Variants in BNIP3L observed in about 807,000 individuals in gnomAD.
BNIP3L encodes the protein BCL2/adenovirus E1B 19 kDa protein-interacting protein 3-like.
In BNIP3L, 10 loss-of-function variants were observed where a neutral mutation model predicts 25.5. That is an observed-to-expected ratio of 0.39 (90% CI 0.24 to 0.67). BNIP3L has a LOEUF of 0.67. Ranked by LOEUF, BNIP3L falls within the 30% of genes least tolerant of loss-of-function variation. The pLI is 0.45. For synonymous variants in BNIP3L, 113 were observed against 101.2 expected, an observed-to-expected ratio of 1.12 and a Z score of -0.70; for missense variants, 215 against 270.9, an observed-to-expected ratio of 0.79 and a Z score of 1.45.
At chr8:26,388,406 G>A (rs554208331) in intron 1 of BNIP3L, among the ~76,000 whole-genome samples, 1 of 152,224 alleles carries the variant, frequency 6.6e-6, no homozygotes, top group African/African-American at 2.4e-5. Context: ...CCTGTGCGAG[G>A]GTAACAGCTA....
At chr8:26,396,585 A>G (rs1315209165) in intron 3 of BNIP3L, among the ~76,000 whole-genome samples, 2 of 148,170 alleles carry the variant, frequency 1.3e-5, no homozygotes, top group African/African-American at 5.0e-5. Context: ...CTCCAAAGGA[A>G]CGCAGTTCCT....
intron 1 of BNIP3L, among the ~76,000 whole-genome samples, chr8:26,383,697 G>A (rs796255640): frequency 1.3e-5 from 2 of 151,104 alleles, no homozygotes; most frequent in South Asian, 4.2e-4. Context: ...GGGATCAGGT[G>A]TGCGGGGCTC....
At chr8:26,393,121 C>T (rs1806151586) in intron 2 of BNIP3L, among the ~76,000 whole-genome samples, 1 of 151,850 alleles carries the variant, frequency 6.6e-6, no homozygotes, top group African/African-American at 2.4e-5. Context: ...GGATAGCCTA[C>T]TAACACGCTT....
At chr8:26,396,317 CT>C (rs1288974102) in intron 3 of BNIP3L, among the ~76,000 whole-genome samples, 3 of 83,542 alleles carry the variant, frequency 3.6e-5, no homozygotes, top group Non-Finnish European at 7.4e-5. Context: ...TCCCTGACCC[CT>C]GACCCCCGAG....
At position 26,412,410 on chromosome 8, in the gene BNIP3L, C is replaced by T. The variant is rs1806649346; in HGVS notation, c.*1998C>T. The T allele has an allele frequency of 6.6e-6, 1 of 152,214 alleles. No homozygotes were observed. The highest frequency in any genetic ancestry group is 2.4e-5 in the African/African-American group (1 of 41,460). 9.4% of individuals were successfully genotyped at this position (152,214 alleles called of 1,614,324 possible). A position where few individuals can be genotyped will look rare whatever the true frequency, so the allele number is the denominator to read the frequency against. On this transcript the variant is annotated 3_prime_UTR_variant, in exon 6 of 6. Coordinates refer to ENST00000380629, the MANE Select transcript of BNIP3L (RefSeq NM_004331.3). ...AAAATTACACTTTACCTGAAAGTGA[C>T]TTCTTACAGCTAGTGCATTGTGCTC...
At chr8:26,402,047 G>T (rs979499373) in intron 3 of BNIP3L, among the ~76,000 whole-genome samples, 1 of 152,134 alleles carries the variant, frequency 6.6e-6, no homozygotes, top group African/African-American at 2.4e-5. Flanking sequence ...ACCTTGTTTT[G>T]TCGGGTTCTC....
At chr8:26,406,815 GAA>G (rs528016667) in intron 3 of BNIP3L, among the ~76,000 whole-genome samples, 1 of 123,482 alleles carries the variant, frequency 8.1e-6, no homozygotes, top group Middle Eastern at 4.0e-3. Flanking sequence ...CCTGTCTCCA[GAA>G]AAAAAAAAAA....
intron 3 of BNIP3L, among the ~76,000 whole-genome samples, chr8:26,403,720 T>G (rs1413970005): frequency 6.6e-6 from 1 of 151,966 alleles, no homozygotes; most frequent in Admixed American, 6.6e-5. Context: ...ATTTTTTTTT[T>G]GTATAGACAG....
chr8:26,395,478 A>G, intron 3 of BNIP3L, 176 bp downstream of exon 3: 1 of 643,900 alleles, frequency 1.6e-6, no homozygotes, highest in East Asian at 3.0e-5. Flanking sequence ...CTTTACAACT[A>G]AGGATTTTGG....
At chr8:26,389,733 G>A (rs1806064175) in intron 1 of BNIP3L, among the ~76,000 whole-genome samples, 1 of 152,232 alleles carries the variant, frequency 6.6e-6, no homozygotes, top group Non-Finnish European at 1.5e-5. Context: ...AAATGAGGAA[G>A]CTGAAGCTCA....
chr8:26,390,484 G>T, intron 1 of BNIP3L: 1 of 985,358 alleles, frequency 1.0e-6, no homozygotes, highest in South Asian at 4.7e-5. Context: ...GTAGAAACCC[G>T]TGGGAGAGAA....
rs1443901303 is a variant in BNIP3L, at chr8:26,408,027, A to C, written c.385A>C (p.Lys129Gln). The change falls in exon 4 of 6, where the codon AAG (lysine) becomes CAG (glutamine). Residue 129 changes from lysine to glutamine, a missense_variant. By Grantham distance (53) the Lys-to-Gln change is moderately conservative. Coordinates refer to ENST00000380629, the MANE Select transcript of BNIP3L (RefSeq NM_004331.3). ...QSEEEVVEGE[K>Q]EVEALKKSAD... Reference sequence around the variant, plus strand: ...AGAAGAAGAAGTTGTAGAAGGAGAGAAGGAAGTCGAGGCTTTGAAGAAAAG... The same window carrying C: ...AGAAGAAGAAGTTGTAGAAGGAGAGCAGGAAGTCGAGGCTTTGAAGAAAAG... 2 of 1,614,166 alleles carry C rather than the reference A, an allele frequency of 1.2e-6. No homozygotes were observed. Among genetic ancestry groups the C allele is most frequent in the Non-Finnish European group, 8.5e-7 (1 of 1,180,036 alleles).
chr8:26,404,162 G>T (rs570172382), intron 3 of BNIP3L, among the ~76,000 whole-genome samples: 1 of 152,186 alleles, frequency 6.6e-6, no homozygotes, highest in Non-Finnish European at 1.5e-5. Context: ...TCATCCTCAA[G>T]AGTCTCAGTT....
At chr8:26,385,863 C>G (rs1173462649) in intron 1 of BNIP3L, among the ~76,000 whole-genome samples, 2 of 152,170 alleles carry the variant, frequency 1.3e-5, no homozygotes, top group African/African-American at 4.8e-5. Context: ...TTTAATTACT[C>G]CCTTCTTGCC....
intron 3 of BNIP3L, among the ~76,000 whole-genome samples, chr8:26,396,536 G>C: frequency 7.4e-6 from 1 of 135,908 alleles, no homozygotes; most frequent in South Asian, 2.7e-4. Flanking sequence ...AAACAGAACA[G>C]AAAAACTGGA....
In BNIP3L at chr8:26,412,318, G is replaced by A. The variant is rs536437191; in HGVS notation, c.*1906G>A. 6.6e-6 allele frequency: 1 copy of A among 152,310 alleles called. No homozygotes were observed. The highest frequency in any genetic ancestry group is 2.4e-5 in the African/African-American group (1 of 41,576). 9.4% of individuals were successfully genotyped at this position (152,310 alleles called of 1,614,324 possible). A position where few individuals can be genotyped will look rare whatever the true frequency, so the allele number is the denominator to read the frequency against. On this transcript the variant is annotated 3_prime_UTR_variant, in exon 6 of 6. Transcript: ENST00000380629. ...AATTGGAAAGACTGGAAAGTTAGGA[G>A]AACTGACTAGCTAAACTGCTACAGT...
chr8:26,411,025 A>G lies in BNIP3L; in HGVS notation c.*613A>G, dbSNP rs1360072576. 6.6e-6 allele frequency: 1 copy of G among 152,524 alleles called. No homozygotes were observed. The highest frequency in any genetic ancestry group is 1.5e-5 in the Non-Finnish European group (1 of 68,284). The allele number at this position is 152,524 out of a possible 1,614,324, so 9.4% of individuals were successfully genotyped here. ...AGCCACTTTTTTGTCTAAGCCTCCT[A>G]ATAGCGTCTTTTAATTTATAGGAGG... is the stretch of plus-strand genomic sequence containing the variant. On this transcript the variant is annotated 3_prime_UTR_variant, in exon 6 of 6. Transcript: ENST00000380629.
intron 3 of BNIP3L, among the ~76,000 whole-genome samples, chr8:26,401,507 G>A (rs1440893945): frequency 7.1e-6 from 1 of 140,510 alleles, no homozygotes; most frequent in African/African-American, 2.6e-5. Flanking sequence ...CATGGCACAT[G>A]TATACATATG....
At chr8:26,401,587 C>A (rs1806380186) in intron 3 of BNIP3L, among the ~76,000 whole-genome samples, 2 of 145,400 alleles carry the variant, frequency 1.4e-5, no homozygotes, top group African/African-American at 2.5e-5. Flanking sequence ...AAAAAAAAAC[C>A]TACCAGTGGA....
Sources: allele counts gnomAD v4.1 joint callset (sites outside exome capture counted in the v4.1 genomes callset), GRCh38; gene constraint gnomAD v4.1.1; transcripts MANE v1.5; gene names NCBI Gene and HGNC (gene_info 2026-07-23, HGNC 2026-07-21).